Variants in ZFAT observed in about 807,000 individuals in gnomAD.
ZFAT encodes zinc finger and AT-hook domain containing.
Under a neutral mutation model 117.7 loss-of-function variants are expected in ZFAT, and 64 were observed. That is an observed-to-expected ratio of 0.54 (90% CI 0.44 to 0.67). ZFAT has a LOEUF of 0.67. ZFAT is among the 30% of genes least tolerant of loss of function. The pLI is 0.00. For missense variants in ZFAT, 1,433 were observed against 1,584.5 expected (o/e 0.90, Z 1.62); for synonymous variants, 679 against 615.0 (o/e 1.10, Z -1.54).
At chr8:134,493,099 C>T (rs1175489386) in intron 15 of ZFAT, among the ~76,000 whole-genome samples, 2 of 152,144 alleles carry the variant, frequency 1.3e-5, no homozygotes, top group Non-Finnish European at 2.9e-5. Context: ...TTTTCTTTCC[C>T]GAAGGTATCA....
At chr8:134,781,163 T>C in the ZFAT span, among the ~76,000 whole-genome samples, 5 of 152,202 alleles carry the variant, frequency 3.3e-5, no homozygotes, top group Non-Finnish European at 5.9e-5. Context: ...TCTTGCTCTG[T>C]TGCCCAGGCT....
chr8:134,684,003 C>T (rs1203483518), intron 1 of ZFAT, among the ~76,000 whole-genome samples: 4 of 152,172 alleles, frequency 2.6e-5, no homozygotes, highest in South Asian at 2.1e-4. Flanking sequence ...GTCTGGCCTA[C>T]GGGTTGCCAA....
intron 1 of ZFAT, among the ~76,000 whole-genome samples, chr8:134,680,387 T>C (rs1198183379): frequency 1.3e-5 from 2 of 152,086 alleles, no homozygotes; most frequent in Admixed American, 6.6e-5. Flanking sequence ...AAAATTTGGA[T>C]TGTAATAAAA....
At chr8:134,768,599 T>G in the ZFAT span, among the ~76,000 whole-genome samples, 2 of 152,174 alleles carry the variant, frequency 1.3e-5, no homozygotes, top group Non-Finnish European at 2.9e-5. Flanking sequence ...AGAGAGCTTG[T>G]GCAGGGAAAC....
At chr8:134,521,070 C>T in intron 12 of ZFAT, 69 bp from the exon 13 acceptor site, 1 of 1,146,742 alleles carries the variant, frequency 8.7e-7, no homozygotes. Flanking sequence ...AGTTCCTCCT[C>T]CTGTTCAAAT....
intron 11 of ZFAT, among the ~76,000 whole-genome samples, chr8:134,552,754 T>C (rs1370300633): frequency 6.6e-6 from 1 of 152,170 alleles, no homozygotes; most frequent in African/African-American, 2.4e-5. Context: ...GTTATTCTGT[T>C]TCAGAAGCAA....
intron 3 of ZFAT, among the ~76,000 whole-genome samples, chr8:134,630,970 A>C (rs971519051): frequency 5.3e-5 from 8 of 152,242 alleles, no homozygotes; most frequent in Non-Finnish European, 1.0e-4. Context: ...TGTGCTTGGC[A>C]AACTAGAGAA....
intron 3 of ZFAT, among the ~76,000 whole-genome samples, chr8:134,627,852 C>T (rs539522382): frequency 6.6e-6 from 1 of 152,222 alleles, no homozygotes; most frequent in Non-Finnish European, 1.5e-5. Flanking sequence ...CCACCAAGGA[C>T]TAGAGTCTGG....
the ZFAT span, among the ~76,000 whole-genome samples, chr8:134,773,370 C>T: frequency 2.0e-5 from 3 of 152,220 alleles, no homozygotes; most frequent in African/African-American, 7.2e-5. Flanking sequence ...TTTCAAACCA[C>T]TGCTGCTTGT....
intron 10 of ZFAT, among the ~76,000 whole-genome samples, chr8:134,571,463 G>A (rs535587308): frequency 6.6e-6 from 1 of 152,346 alleles, no homozygotes; most frequent in African/African-American, 2.4e-5. Flanking sequence ...CCTCAAATGA[G>A]TTTCTGTCAA....
At chr8:134,569,194 T>C (rs1322350268) in intron 10 of ZFAT, among the ~76,000 whole-genome samples, 1 of 152,158 alleles carries the variant, frequency 6.6e-6, no homozygotes, top group Non-Finnish European at 1.5e-5. Flanking sequence ...AGGTGGGCAG[T>C]GTCACCCTTT....
At chr8:134,621,387 A>G (rs1751246688) in intron 3 of ZFAT, among the ~76,000 whole-genome samples, 1 of 152,192 alleles carries the variant, frequency 6.6e-6, no homozygotes, top group South Asian at 2.1e-4. Flanking sequence ...TGAGTGGCAC[A>G]TGACAGTTTA....
At position 134,657,596 on chromosome 8, in the gene ZFAT, G is replaced by A. The variant is rs1339084383; in HGVS notation, c.161C>T (p.Thr54Ile). 6 of 1,613,780 alleles carry A rather than the reference G, an allele frequency of 3.7e-6. No homozygotes were observed. In the Middle Eastern group the frequency reaches 4.9e-4, roughly 133 times the overall value. ...EIIIPLRPLS[T>I]PEPPNSSKTG... Reference sequence around the variant, plus strand: ...TTTGCTTGAGTTGGGGGGTTCAGGTGTACTCAGAGGCCTAAGGGGAATAAT... The same window carrying A: ...TTTGCTTGAGTTGGGGGGTTCAGGTATACTCAGAGGCCTAAGGGGAATAAT... The change falls in exon 2 of 16, where the codon ACA becomes ATA. Residue 54 changes from threonine (T) to isoleucine (I), a missense_variant. Thr to Ile is a moderately conservative substitution (Grantham distance 89, BLOSUM62 -1). Transcript: ENST00000377838.
At chr8:134,674,608 G>T (rs1160814035) in intron 1 of ZFAT, 1 of 154,422 alleles carries the variant, frequency 6.5e-6, no homozygotes, top group Non-Finnish European at 1.4e-5. Flanking sequence ...GAGAGCAGCG[G>T]TTCTCCCAGA....
At chr8:134,801,827 T>C in the ZFAT span, among the ~76,000 whole-genome samples, 3 of 152,196 alleles carry the variant, frequency 2.0e-5, no homozygotes, top group African/African-American at 7.2e-5. Context: ...ACTTCATGTA[T>C]TAATTGGGCA....
chr8:134,715,984 G>A (rs570363219), upstream of ZFAT, among the ~76,000 whole-genome samples: 2 of 152,176 alleles, frequency 1.3e-5, no homozygotes, highest in South Asian at 4.1e-4. Context: ...GATCTTGGCT[G>A]GGCATGGTGG....
At chr8:134,755,178 C>T in the ZFAT span, among the ~76,000 whole-genome samples, 73 of 149,558 alleles carry the variant, frequency 4.9e-4, no homozygotes, top group African/African-American at 1.5e-3. Context: ...CCGAGGCAGG[C>T]GGATTGCCTG....
intron 15 of ZFAT, among the ~76,000 whole-genome samples, chr8:134,503,406 C>T (rs143461520): frequency 1.3e-5 from 2 of 152,314 alleles, no homozygotes; most frequent in Non-Finnish European, 2.9e-5. Flanking sequence ...GAGAATTTCA[C>T]CCTTGAAGCA....
the ZFAT span, among the ~76,000 whole-genome samples, chr8:134,722,554 A>G: frequency 1.3e-5 from 2 of 152,232 alleles, no homozygotes; most frequent in Non-Finnish European, 2.9e-5. Context: ...AAAGGCAAAT[A>G]AGAAACGATC....
Sources: gnomAD v4.1 joint callset for allele counts (sites outside exome capture counted in the v4.1 genomes callset) on GRCh38, gnomAD v4.1.1 for gene constraint, MANE v1.5 for transcripts, NCBI Gene and HGNC (gene_info 2026-07-23, HGNC 2026-07-21) for gene names.